NAA35: variants seen among roughly 807,000 people sequenced by gnomAD.
The protein encoded by NAA35 is MAK10 homolog, amino-acid N-acetyltransferase subunit.
Under a neutral mutation model 101.7 loss-of-function variants are expected in NAA35, and 18 were observed. The observed-to-expected ratio is 0.18, with a 90% CI of 0.12 to 0.26. The LOEUF (loss-of-function observed/expected upper bound fraction) is 0.26. NAA35 is among the 10% of genes least tolerant of loss of function. The pLI is 1.00. For synonymous variants in NAA35, 267 were observed against 273.1 expected (o/e 0.98, Z 0.22); for missense variants, 601 against 886.8 (o/e 0.68, Z 4.09).
chr9:85,964,026 A>C (rs1384448719), intron 6 of NAA35, among the ~76,000 whole-genome samples: 2 of 152,160 alleles, frequency 1.3e-5, no homozygotes, highest in African/African-American at 4.8e-5. Flanking sequence ...CAAAGATTAG[A>C]AATTTTTTAT....
chr9:85,965,214 A>G (rs756497861), intron 6 of NAA35, among the ~76,000 whole-genome samples: 7 of 152,246 alleles, frequency 4.6e-5, no homozygotes, highest in Non-Finnish European at 8.8e-5. Context: ...GTATTTGTAC[A>G]CAAAGACCTG....
At chr9:85,969,894 G>C (rs949102220) in intron 6 of NAA35, among the ~76,000 whole-genome samples, 4 of 151,042 alleles carry the variant, frequency 2.6e-5, no homozygotes, top group African/African-American at 9.7e-5. Flanking sequence ...TTCATATTCA[G>C]TGTCTCTGGT....
intron 6 of NAA35, 35 bp downstream of exon 6, chr9:85,962,215 G>A (rs1031805826): frequency 1.2e-5 from 20 of 1,600,732 alleles, no homozygotes; most frequent in Non-Finnish European, 1.5e-5. Flanking sequence ...CCTTGGCCAG[G>A]TGCGGTGGCT....
rs573351707 is a variant in NAA35 at position 86,013,991 on chromosome 9, T to C, written c.1568+94T>C. 9 of 1,044,754 alleles carry C rather than the reference T, an allele frequency of 8.6e-6. No individual in the cohort carries two copies. In the African/African-American group the frequency reaches 1.3e-4, roughly 15 times the overall value. The allele number at this position is 1,044,754 out of a possible 1,614,324, so 64.7% of individuals were successfully genotyped here. On this transcript the variant is annotated intron_variant, in intron 17 of 22. Transcript: ENST00000361671. Reference sequence around the variant, plus strand: ...TTTCAGGGTACTTTTTCATTTAGTATATTTTATCTTTAGTTGTGGGACAGT... The same window carrying C: ...TTTCAGGGTACTTTTTCATTTAGTACATTTTATCTTTAGTTGTGGGACAGT...
At position 86,023,550 on chromosome 9, in the gene NAA35, A is replaced by G. The variant is rs185419668; in HGVS notation, c.*1590A>G. The stretch of plus-strand genomic sequence containing the variant: ...ATTATTCTTTCCCAGTGGCCAAGAT[A>G]CAAAGTATAAAAAATATGTCCCCCT... On this transcript the variant is annotated 3_prime_UTR_variant, in exon 23 of 23. Coordinates refer to ENST00000361671, the MANE Select transcript of NAA35 (RefSeq NM_024635.4). 7.3e-4 allele frequency among the ~76,000 whole-genome samples: 111 copies of G among 152,340 alleles called. 1 individual carries two copies. Among genetic ancestry groups the G allele is most frequent in the Admixed American group, 6.5e-4 (10 of 15,302 alleles).
intron 6 of NAA35, among the ~76,000 whole-genome samples, chr9:85,967,333 T>C (rs902998269): frequency 4.6e-5 from 7 of 152,238 alleles, no homozygotes; most frequent in African/African-American, 1.7e-4. Flanking sequence ...AAAAGCAGCA[T>C]TGTAGCCAAC....
chr9:86,008,656 G>C (rs974236520), intron 14 of NAA35, among the ~76,000 whole-genome samples: 6 of 152,144 alleles, frequency 3.9e-5, no homozygotes, highest in African/African-American at 1.2e-4. Flanking sequence ...AAACTTTATG[G>C]AACATAAATA....
intron 12 of NAA35, among the ~76,000 whole-genome samples, chr9:86,000,886 C>T (rs755504455): frequency 9.2e-5 from 14 of 151,932 alleles, no homozygotes; most frequent in Non-Finnish European, 1.8e-4. Context: ...GTCTTGATTT[C>T]CCTCAGTTCA....
chr9:86,021,209 T>C (rs1264870371), intron 22 of NAA35, among the ~76,000 whole-genome samples: 1 of 152,226 alleles, frequency 6.6e-6, no homozygotes, highest in Non-Finnish European at 1.5e-5. Flanking sequence ...TGTAAATTAC[T>C]GAATAACTTG....
At chr9:85,949,646 T>C (rs1332493039) in intron 2 of NAA35, among the ~76,000 whole-genome samples, 1 of 152,172 alleles carries the variant, frequency 6.6e-6, no homozygotes, top group Non-Finnish European at 1.5e-5. Context: ...TCCAGATCTT[T>C]CATTGCACTT....
Position 85,989,490 on chromosome 9 carries a change from CAAAA to C in NAA35, c.878-6903_878-6900del, listed in dbSNP as rs112345322. Among the ~76,000 whole-genome samples, 420 of 149,334 alleles carry C rather than the reference CAAAA, an allele frequency of 2.8e-3. 2 individuals are homozygous for C. Among genetic ancestry groups the C allele is most frequent in the African/African-American group, 9.7e-3 (390 of 40,202 alleles). On this transcript the variant is annotated intron_variant, in intron 11 of 22. Transcript: ENST00000361671. ...TGTCAAAAAACAAAAAACAAACAAA[CAAAA>C]AAAAACAAAGACAAAACAAAAAAAC...
chr9:86,006,711 G>A (rs1170827950), intron 13 of NAA35, among the ~76,000 whole-genome samples: 1 of 152,118 alleles, frequency 6.6e-6, no homozygotes. Context: ...GATACAGTTT[G>A]TTCTGTATCT....
chr9:85,955,250 C>T (rs1199944340), intron 2 of NAA35, among the ~76,000 whole-genome samples: 1 of 148,706 alleles, frequency 6.7e-6, no homozygotes, highest in African/African-American at 2.5e-5. Flanking sequence ...ATTTAACTTA[C>T]AGTTGGCTAG....
intron 6 of NAA35, among the ~76,000 whole-genome samples, chr9:85,964,009 T>C (rs770322230): frequency 1.3e-5 from 2 of 152,208 alleles, no homozygotes; most frequent in Non-Finnish European, 2.9e-5. Context: ...TTTTTAGCCA[T>C]TGTTGGCAAA....
chr9:85,959,435 T>A (rs1484042147), intron 4 of NAA35, among the ~76,000 whole-genome samples: 2 of 151,786 alleles, frequency 1.3e-5, no homozygotes, highest in African/African-American at 4.8e-5. Context: ...TTTGGGTCAT[T>A]AAAATGATTT....
chr9:85,987,708 T>C (rs1830711931), intron 11 of NAA35, among the ~76,000 whole-genome samples: 1 of 152,182 alleles, frequency 6.6e-6, no homozygotes, highest in South Asian at 2.1e-4. Flanking sequence ...AGAAATAGAA[T>C]CTTTCCAGTG....
intron 2 of NAA35, among the ~76,000 whole-genome samples, chr9:85,947,655 T>G (rs1485961709): frequency 6.6e-6 from 1 of 152,234 alleles, no homozygotes; most frequent in African/African-American, 2.4e-5. Flanking sequence ...GTGGTGCTAC[T>G]GGCATCTAAC....
At chr9:85,976,587 T>A (rs1830223073) in intron 8 of NAA35, 98 bp from the exon 9 acceptor site, 1 of 834,604 alleles carries the variant, frequency 1.2e-6, no homozygotes, top group East Asian at 2.9e-5. Context: ...CAAAAACAGA[T>A]TCTTGTGTAT....
chr9:86,006,818 A>G (rs1831664533), intron 13 of NAA35, among the ~76,000 whole-genome samples: 1 of 152,232 alleles, frequency 6.6e-6, no homozygotes. Context: ...TAAAATTTAA[A>G]AACAGTCTTA....
Sources: gnomAD v4.1 joint callset for allele counts (sites outside exome capture counted in the v4.1 genomes callset) on GRCh38, gnomAD v4.1.1 for gene constraint, MANE v1.5 for transcripts, NCBI Gene and HGNC (gene_info 2026-07-23, HGNC 2026-07-21) for gene names.